CSMD3: variants seen among roughly 807,000 people sequenced by gnomAD.
CSMD3 encodes CUB and sushi domain-containing protein 3.
In CSMD3, 177 loss-of-function variants were observed where a neutral mutation model predicts 435.2. The observed-to-expected ratio is 0.41, with a 90% CI of 0.36 to 0.46. The LOEUF is 0.46. Ranked by LOEUF, CSMD3 falls within the 20% of genes least tolerant of loss-of-function variation. The pLI is 0.34. For synonymous variants in CSMD3, 1,656 were observed against 1,520.5 expected, an observed-to-expected ratio of 1.09 and a Z score of -2.07; for missense variants, 4,265 against 4,504.6, an observed-to-expected ratio of 0.95 and a Z score of 1.52.
intron 3 of CSMD3, among the ~76,000 whole-genome samples, chr8:113,246,648 G>A (rs974117010): frequency 1.3e-5 from 2 of 151,880 alleles, no homozygotes; most frequent in African/African-American, 4.8e-5. Context: ...ATTATAACTT[G>A]CAGTTGAGAA....
chr8:112,397,567 C>T (rs1399009029), intron 35 of CSMD3, among the ~76,000 whole-genome samples: 1 of 152,268 alleles, frequency 6.6e-6, no homozygotes, highest in Non-Finnish European at 1.5e-5. Flanking sequence ...GAAGTCAGCA[C>T]TGGTAGATTT....
Position 112,337,675 on chromosome 8 carries a change from C to A in CSMD3, c.6709G>T (p.Gly2237Cys), listed in dbSNP as rs1225498072. The A allele has an allele frequency of 6.2e-7, 1 of 1,613,442 alleles. No homozygotes were observed. Among genetic ancestry groups the A allele is most frequent in the Non-Finnish European group, 8.5e-7 (1 of 1,179,508 alleles). The change falls in exon 43 of 71, where the codon GGT (glycine) becomes TGT (cysteine). Residue 2237 changes from glycine (G) to cysteine (C), a missense_variant. Gly to Cys is a radical substitution (Grantham distance 159). This residue lies in a region of CSMD3 where 3,255 missense variants were observed against 3,380.2 expected (regional missense o/e 0.96). Coordinates refer to ENST00000297405, the MANE Select transcript of CSMD3 (RefSeq NM_198123.2). The part of the protein sequence containing the change: ...PRPFRNGFVI[G>C]NDFTVGQTIS... ...GTTTGACCCACAGTAAAATCATTAC[C>A]AATTACAAAACCATTTCGAAACGGG...
intron 13 of CSMD3, among the ~76,000 whole-genome samples, chr8:112,711,862 C>G (rs944312851): frequency 2.0e-5 from 3 of 152,096 alleles, no homozygotes; most frequent in South Asian, 2.1e-4. Context: ...TTCTTGAGCT[C>G]AAATATAATC....
At chr8:113,291,661 T>A (rs971739758) in intron 2 of CSMD3, among the ~76,000 whole-genome samples, 3 of 151,804 alleles carry the variant, frequency 2.0e-5, no homozygotes, top group African/African-American at 7.2e-5. Flanking sequence ...AGATGTTTGT[T>A]CCCCTACGAG....
At chr8:112,925,220 C>T (rs2130660556) in intron 9 of CSMD3, among the ~76,000 whole-genome samples, 1 of 151,570 alleles carries the variant, frequency 6.6e-6, no homozygotes, top group South Asian at 2.1e-4. Flanking sequence ...TCTCATTTTC[C>T]TCATTTAGCT....
Position 112,573,544 on chromosome 8 carries a change from G to C in CSMD3, c.3999C>G (p.Ser1333=), listed in dbSNP as rs148941521. 1 of 1,613,296 alleles carries C rather than the reference G, an allele frequency of 6.2e-7. No individual in the cohort carries two copies. The highest frequency in any genetic ancestry group is 8.5e-7 in the Non-Finnish European group (1 of 1,179,508). ...TSNQLWLEFN[S]DTEGTDEGFQ... ...AGCCTTCATCTGTCCCTTCAGTATC[G>C]GAATTAAATTCTAGCCAGAGTTGAT... Residue 1333 remains serine (S), a synonymous_variant, in exon 24 of 71, where the codon TCC becomes TCG. Coordinates refer to ENST00000297405, the MANE Select transcript of CSMD3 (RefSeq NM_198123.2).
At chr8:112,744,450 G>A (rs1413985739) in intron 13 of CSMD3, among the ~76,000 whole-genome samples, 1 of 151,728 alleles carries the variant, frequency 6.6e-6, no homozygotes, top group African/African-American at 2.4e-5. Context: ...GACTTTTTTT[G>A]TGTTTAAAAT....
intron 3 of CSMD3, among the ~76,000 whole-genome samples, chr8:113,238,912 C>T (rs1422214194): frequency 6.6e-6 from 1 of 152,076 alleles, no homozygotes; most frequent in Admixed American, 6.6e-5. Context: ...GATACTTGGT[C>T]AAACATTATT....
intron 20 of CSMD3, among the ~76,000 whole-genome samples, chr8:112,642,556 A>C (rs911133279): frequency 6.6e-6 from 1 of 152,202 alleles, no homozygotes; most frequent in Non-Finnish European, 1.5e-5. Context: ...TAAGATTCTT[A>C]TAAACCCTTA....
intron 32 of CSMD3, among the ~76,000 whole-genome samples, chr8:112,413,693 A>G (rs1455065023): frequency 6.6e-6 from 1 of 152,196 alleles, no homozygotes; most frequent in Non-Finnish European, 1.5e-5. Context: ...TAGAACATGA[A>G]TAAATAGAAC....
intron 13 of CSMD3, among the ~76,000 whole-genome samples, chr8:112,798,252 G>A (rs1261743678): frequency 6.6e-6 from 1 of 151,890 alleles, no homozygotes. Context: ...GCAGGGTTCA[G>A]AGAGTTATGG....
At chr8:112,887,033 T>C (rs558363807) in intron 10 of CSMD3, among the ~76,000 whole-genome samples, 1 of 151,680 alleles carries the variant, frequency 6.6e-6, no homozygotes, top group East Asian at 2.0e-4. Flanking sequence ...TACTTTCAAG[T>C]TGACCAAAAT....
chr8:112,954,595 A>G, intron 8 of CSMD3, 89 bp downstream of exon 8: 2 of 774,436 alleles, frequency 2.6e-6, no homozygotes, highest in Middle Eastern at 2.3e-4. Context: ...TAAATACACA[A>G]ATATTTTGGT....
At chr8:113,329,819 C>G (rs969945922) in intron 1 of CSMD3, among the ~76,000 whole-genome samples, 3 of 151,678 alleles carry the variant, frequency 2.0e-5, no homozygotes, top group Admixed American at 1.3e-4. Context: ...AACAAGAGAA[C>G]GTTAACAAGA....
intron 16 of CSMD3, among the ~76,000 whole-genome samples, chr8:112,667,256 T>C (rs1376036510): frequency 1.3e-5 from 2 of 152,100 alleles, no homozygotes; most frequent in Admixed American, 1.3e-4. Context: ...AACAAAGCCT[T>C]AGTACTGACC....
intron 9 of CSMD3, among the ~76,000 whole-genome samples, chr8:112,940,457 T>C (rs2083418401): frequency 6.6e-6 from 1 of 151,836 alleles, no homozygotes; most frequent in Non-Finnish European, 1.5e-5. Flanking sequence ...AGAAAGTCTA[T>C]GAATATAAGG....
intron 5 of CSMD3, among the ~76,000 whole-genome samples, chr8:113,089,454 T>C (rs571763965): frequency 5.6e-4 from 86 of 152,234 alleles, no homozygotes; most frequent in African/African-American, 1.9e-3. Context: ...ATCTAAGACA[T>C]AGAGTTAACA....
At chr8:112,854,926 A>G (rs1186902412) in intron 11 of CSMD3, among the ~76,000 whole-genome samples, 1 of 152,164 alleles carries the variant, frequency 6.6e-6, no homozygotes, top group Non-Finnish European at 1.5e-5. Flanking sequence ...GGTGATGGAA[A>G]TGGTCAATAT....
chr8:113,278,107 A>C (rs564618559), intron 3 of CSMD3, among the ~76,000 whole-genome samples: 2 of 152,030 alleles, frequency 1.3e-5, no homozygotes, highest in South Asian at 4.1e-4. Flanking sequence ...TTCAGTTTTG[A>C]GAAATATTTA....
Sources: gnomAD v4.1 joint callset for allele counts (sites outside exome capture counted in the v4.1 genomes callset) on GRCh38, gnomAD v4.1.1 for gene constraint, gnomAD v4.1.1 regional missense constraint, MANE v1.5 for transcripts, NCBI Gene and HGNC (gene_info 2026-07-23, HGNC 2026-07-21) for gene names.